Variants in PPFIBP2 observed in about 807,000 individuals in gnomAD.
The protein encoded by PPFIBP2 is liprin-beta-2.
PPFIBP2 carries 118 observed loss-of-function variants against 118.3 expected under a neutral mutation model. That is an observed-to-expected ratio of 1.00 (90% CI 0.86 to 1.16). The LOEUF is 1.16. PPFIBP2 is among the 50% of genes most tolerant of loss of function. The probability of loss-of-function intolerance (pLI) is 0.00; values close to 1 mark genes in which losing one functional copy is unlikely to be tolerated. For missense variants in PPFIBP2, 1,195 were observed against 1,073.1 expected (o/e 1.11, Z -1.59); for synonymous variants, 414 against 397.4 (o/e 1.04, Z -0.50).
chr11:7,534,615 C>T (rs1851040422), intron 1 of PPFIBP2, among the ~76,000 whole-genome samples: 1 of 152,138 alleles, frequency 6.6e-6, no homozygotes, highest in African/African-American at 2.4e-5. Flanking sequence ...CTGTCAGGGG[C>T]ATGAGGCTCT....
intron 3 of PPFIBP2, among the ~76,000 whole-genome samples, chr11:7,589,985 T>C (rs1858942776): frequency 6.6e-6 from 1 of 152,232 alleles, no homozygotes; most frequent in African/African-American, 2.4e-5. Flanking sequence ...ACCACAAAGC[T>C]TATTATGCCT....
chr11:7,648,249 C>T (rs1345656859), intron 17 of PPFIBP2, 138 bp from the exon 18 acceptor site: 6 of 939,562 alleles, frequency 6.4e-6, no homozygotes, highest in Non-Finnish European at 7.7e-6. Context: ...AGCAGAATCC[C>T]ATGATGGAGG....
chr11:7,663,829 G>C, the PPFIBP2 span, among the ~76,000 whole-genome samples: 1 of 152,232 alleles, frequency 6.6e-6, no homozygotes, highest in Non-Finnish European at 1.5e-5. Flanking sequence ...CTCCCAGCCA[G>C]GTGCGGGATA....
At chr11:7,648,200 G>T (rs577229916) in intron 17 of PPFIBP2, 187 bp from the exon 18 acceptor site, 11 of 594,830 alleles carry the variant, frequency 1.8e-5, no homozygotes, top group Middle Eastern at 4.5e-4. Flanking sequence ...AAACTCTAGG[G>T]TCTACCTCCT....
intron 12 of PPFIBP2, among the ~76,000 whole-genome samples, chr11:7,633,961 C>T (rs1019748325): frequency 2.0e-5 from 3 of 152,146 alleles, no homozygotes; most frequent in African/African-American, 7.2e-5. Context: ...GCAAAATAGA[C>T]CCTGAGAGAG....
In PPFIBP2 at chr11:7,650,968, G is replaced by A. The variant is rs1437693287; in HGVS notation, c.2247+3G>A. 6.2e-7 allele frequency: 1 copy of A among 1,612,680 alleles called. No individual in the cohort carries two copies. Among genetic ancestry groups the A allele is most frequent in the Non-Finnish European group, 8.5e-7 (1 of 1,179,136 alleles). ...GTGGAGTCCATGGAGGCCTCATTGTGAGTGGCTCTCTGGCCTAGCCCACCT... is the reference window on the plus strand; with the variant it reads ...GTGGAGTCCATGGAGGCCTCATTGTAAGTGGCTCTCTGGCCTAGCCCACCT... On this transcript the variant is annotated splice_donor_region_variant and intron_variant, in intron 22 of 23. Coordinates refer to ENST00000299492, the MANE Select transcript of PPFIBP2 (RefSeq NM_003621.5).
At chr11:7,594,646 G>A (rs969622155) in intron 4 of PPFIBP2, among the ~76,000 whole-genome samples, 21 of 150,400 alleles carry the variant, frequency 1.4e-4, no homozygotes, top group African/African-American at 3.5e-4. Flanking sequence ...GCCAGGCATG[G>A]TGATGGGTGC....
chr11:7,583,672 T>G (rs755771408), intron 3 of PPFIBP2, among the ~76,000 whole-genome samples: 33 of 151,148 alleles, frequency 2.2e-4, no homozygotes, highest in Non-Finnish European at 4.3e-4. Flanking sequence ...GTTATAATTT[T>G]GGGGAAAAAA....
the PPFIBP2 span, chr11:7,665,836 T>C: frequency 6.5e-7 from 1 of 1,535,010 alleles, no homozygotes; most frequent in South Asian, 1.2e-5. Flanking sequence ...CCGAGGTGTG[T>C]GAATCAGTAC....
intron 17 of PPFIBP2, among the ~76,000 whole-genome samples, chr11:7,643,845 A>G (rs1852581190): frequency 6.6e-6 from 1 of 152,176 alleles, no homozygotes; most frequent in African/African-American, 2.4e-5. Context: ...ATATTTGATA[A>G]CATTGTGTAG....
At chr11:7,523,275 G>A (rs1229676613) in intron 1 of PPFIBP2, among the ~76,000 whole-genome samples, 1 of 152,178 alleles carries the variant, frequency 6.6e-6, no homozygotes, top group Non-Finnish European at 1.5e-5. Flanking sequence ...CCAGGATGGA[G>A]TCTTGTCTTT....
intron 3 of PPFIBP2, among the ~76,000 whole-genome samples, chr11:7,574,567 T>G (rs1856053776): frequency 6.6e-6 from 1 of 152,210 alleles, no homozygotes; most frequent in South Asian, 2.1e-4. Flanking sequence ...ACGAACATAT[T>G]TAGGGGCTCA....
downstream of PPFIBP2, among the ~76,000 whole-genome samples, chr11:7,657,900 T>C (rs1339225021): frequency 6.6e-6 from 1 of 152,234 alleles, no homozygotes; most frequent in Non-Finnish European, 1.5e-5. Flanking sequence ...TGCTCTGCAC[T>C]GGCTCCTGTA....
rs765892702 is a variant in PPFIBP2, at chr11:7,628,378, C to G, written c.888+32C>G. 3 of 1,598,576 alleles carry G rather than the reference C, an allele frequency of 1.9e-6. No homozygotes were observed. The Admixed American group carries it at 5.0e-5, about 27-fold the overall frequency. On this transcript the variant is annotated intron_variant, in intron 9 of 23. Transcript: ENST00000299492. ...TGGTCATTGGGTAGCCCTGTCTTTT[C>G]CATGCTTACATCCCTGGCTGTGTTT...
chr11:7,585,778 G>A (rs1250210063), intron 3 of PPFIBP2, among the ~76,000 whole-genome samples: 2 of 152,172 alleles, frequency 1.3e-5, no homozygotes, highest in Non-Finnish European at 2.9e-5. Flanking sequence ...GCAGTCAGAG[G>A]GTGATGTCTT....
chr11:7,659,224 C>T (rs1413513597), downstream of PPFIBP2, among the ~76,000 whole-genome samples: 2 of 149,076 alleles, frequency 1.3e-5, no homozygotes, highest in Non-Finnish European at 3.0e-5. Flanking sequence ...TTGCCCATGC[C>T]TATGTCCTGA....
chr11:7,542,776 T>C (rs1023747624), intron 1 of PPFIBP2, among the ~76,000 whole-genome samples: 5 of 152,242 alleles, frequency 3.3e-5, no homozygotes, highest in African/African-American at 1.2e-4. Flanking sequence ...TACCCTAGCA[T>C]CTCCCTTATG....
intron 5 of PPFIBP2, among the ~76,000 whole-genome samples, chr11:7,606,436 G>C (rs1179922745): frequency 6.6e-6 from 1 of 152,180 alleles, no homozygotes; most frequent in Non-Finnish European, 1.5e-5. Flanking sequence ...TTTGTTGAAG[G>C]CTGATTTTGA....
chr11:7,638,992 G>A (rs534341614), intron 14 of PPFIBP2, among the ~76,000 whole-genome samples: 1 of 152,236 alleles, frequency 6.6e-6, no homozygotes, highest in East Asian at 1.9e-4. Context: ...CTCCCCCAAG[G>A]GTGTGTGTGT....
Sources: allele counts gnomAD v4.1 joint callset (sites outside exome capture counted in the v4.1 genomes callset), GRCh38; gene constraint gnomAD v4.1.1; transcripts MANE v1.5; gene names NCBI Gene and HGNC (gene_info 2026-07-23, HGNC 2026-07-21).